The following CACNA1D variants were observed in gnomAD, a reference collection of about 807,000 sequenced individuals.
The protein encoded by CACNA1D is calcium voltage-gated channel subunit alpha1 D.
CACNA1D carries 55 observed loss-of-function variants against 257.1 expected under a neutral mutation model. The observed-to-expected ratio is 0.21, with a 90% CI of 0.17 to 0.27. The LOEUF (loss-of-function observed/expected upper bound fraction) is 0.27, where lower values mean the gene tolerates loss of function less well. Ranked by LOEUF, CACNA1D falls within the 10% of genes least tolerant of loss-of-function variation. The pLI is 1.00. For synonymous variants in CACNA1D, 980 were observed against 1,014.9 expected (o/e 0.97, Z 0.65); for missense variants, 1,876 against 2,784.0 (o/e 0.67, Z 7.34).
At chr3:53,528,835 T>G (rs752759089) in intron 3 of CACNA1D, among the ~76,000 whole-genome samples, 3 of 152,220 alleles carry the variant, frequency 2.0e-5, no homozygotes, top group Non-Finnish European at 4.4e-5. Context: ...GGAAACATGC[T>G]TGATTTTTGT....
chr3:53,635,091 C>G (rs2093866850), intron 3 of CACNA1D, among the ~76,000 whole-genome samples: 1 of 152,200 alleles, frequency 6.6e-6, no homozygotes, highest in Non-Finnish European at 1.5e-5. Flanking sequence ...TATTGAGCAC[C>G]TTTGCCACAA....
intron 40 of CACNA1D, among the ~76,000 whole-genome samples, chr3:53,795,333 C>T (rs1328790077): frequency 1.3e-5 from 2 of 152,174 alleles, no homozygotes; most frequent in Non-Finnish European, 2.9e-5. Flanking sequence ...ACCCCACAGT[C>T]GTGACTATAG....
At chr3:53,782,264 G>GTGTGTGTA (rs6147823) in intron 39 of CACNA1D, 23 of 75,448 alleles carry the variant, frequency 3.0e-4, no homozygotes, top group Non-Finnish European at 4.5e-4. Context: ...GTGTGTGTGT[G>GTGTGTGTA]TATATATATA....
chr3:53,573,443 C>T (rs142366476), intron 3 of CACNA1D, among the ~76,000 whole-genome samples: 4 of 152,282 alleles, frequency 2.6e-5, no homozygotes, highest in African/African-American at 9.6e-5. Context: ...ATACTGGTAT[C>T]TATGTGGCTG....
chr3:53,753,913 A>C (rs554703422), intron 29 of CACNA1D, among the ~76,000 whole-genome samples: 9 of 152,396 alleles, frequency 5.9e-5, no homozygotes, highest in East Asian at 1.9e-4. Context: ...CAGGGAGATT[A>C]GAATTGGGAA....
chr3:53,786,256 T>A (rs1362318207), intron 39 of CACNA1D: 1 of 158,746 alleles, frequency 6.3e-6, no homozygotes, highest in Non-Finnish European at 1.4e-5. Context: ...CAAGAAATGG[T>A]ATATGGAGCT....
intron 9 of CACNA1D, among the ~76,000 whole-genome samples, chr3:53,712,017 A>G (rs151316964): frequency 2.0e-5 from 3 of 152,396 alleles, no homozygotes; most frequent in Non-Finnish European, 2.9e-5. Context: ...AGCAGGAAAT[A>G]GTGTCATGGA....
chr3:53,728,073 C>G (rs1452102217), intron 15 of CACNA1D, among the ~76,000 whole-genome samples: 2 of 152,134 alleles, frequency 1.3e-5, no homozygotes, highest in African/African-American at 4.8e-5. Flanking sequence ...TGAGCTCCCC[C>G]TCAGATTTTA....
At chr3:53,605,435 A>G (rs934636836) in intron 3 of CACNA1D, among the ~76,000 whole-genome samples, 2 of 152,240 alleles carry the variant, frequency 1.3e-5, no homozygotes, top group African/African-American at 4.8e-5. Flanking sequence ...AAGTGATTGA[A>G]TGAGCAGCAC....
At chr3:53,649,199 A>G (rs551722765) in intron 3 of CACNA1D, among the ~76,000 whole-genome samples, 4 of 152,336 alleles carry the variant, frequency 2.6e-5, no homozygotes, top group Admixed American at 6.5e-5. Context: ...GGATACTGCA[A>G]GCAAACATTT....
chr3:53,521,589 C>T (rs1356461869), intron 3 of CACNA1D, among the ~76,000 whole-genome samples: 1 of 152,100 alleles, frequency 6.6e-6, no homozygotes, highest in Non-Finnish European at 1.5e-5. Flanking sequence ...AGTTTCCACC[C>T]CACTGTTTCT....
Position 53,813,154 on chromosome 3 carries a change from T to G in CACNA1D, c.*1748T>G, listed in dbSNP as rs981731238. On this transcript the variant is annotated 3_prime_UTR_variant, in exon 48 of 48. Coordinates refer to ENST00000350061, the MANE Select transcript of CACNA1D (RefSeq NM_001128840.3). ...ATTTTTTTTTTTTTTTTTTTTTTTGTAAATAACAAACACCACTTTGTTATG... is the reference window on the plus strand; with the variant it reads ...ATTTTTTTTTTTTTTTTTTTTTTTGGAAATAACAAACACCACTTTGTTATG... 6 of 51,262 alleles carry G rather than the reference T, an allele frequency of 1.2e-4. No homozygotes were observed. Among genetic ancestry groups the G allele is most frequent in the Non-Finnish European group, 2.3e-4 (6 of 26,176 alleles). 3.2% of individuals were successfully genotyped at this position (51,262 alleles called of 1,614,324 possible).
chr3:53,750,917 C>T (rs1288894409), intron 27 of CACNA1D, among the ~76,000 whole-genome samples: 1 of 152,190 alleles, frequency 6.6e-6, no homozygotes, highest in Non-Finnish European at 1.5e-5. Flanking sequence ...ACCAGCCCCA[C>T]TACCCAGAGT....
intron 3 of CACNA1D, among the ~76,000 whole-genome samples, chr3:53,511,613 T>A (rs1217198080): frequency 3.3e-5 from 5 of 152,184 alleles, no homozygotes; most frequent in African/African-American, 7.2e-5. Context: ...TAAACTGTGG[T>A]ATAATGAAAA....
intron 30 of CACNA1D, chr3:53,765,745 C>G (rs1472045328): frequency 2.0e-5 from 3 of 152,336 alleles, no homozygotes; most frequent in African/African-American, 7.2e-5. Context: ...CGTTTGTATT[C>G]TTTGCAAAAA....
intron 9 of CACNA1D, among the ~76,000 whole-genome samples, chr3:53,714,226 CA>C (rs1215061444): frequency 2.6e-5 from 4 of 152,100 alleles, no homozygotes; most frequent in Non-Finnish European, 4.4e-5. Flanking sequence ...CTTATTTCTA[CA>C]GTAGGGGACT....
intron 2 of CACNA1D, among the ~76,000 whole-genome samples, chr3:53,498,698 G>A (rs1168098877): frequency 1.3e-5 from 2 of 152,152 alleles, no homozygotes; most frequent in African/African-American, 2.4e-5. Flanking sequence ...GATCTAGCTC[G>A]GCAGCTATTT....
At chr3:53,752,678 G>A (rs920049904) in intron 28 of CACNA1D, among the ~76,000 whole-genome samples, 6 of 152,186 alleles carry the variant, frequency 3.9e-5, no homozygotes, top group East Asian at 1.9e-4. Context: ...TATTACAGGC[G>A]TGAGCCACCG....
At position 53,774,815 on chromosome 3, in the gene CACNA1D, T is replaced by C. The variant is rs1355317478; in HGVS notation, c.4202+137T>C. On this transcript the variant is annotated intron_variant, in intron 34 of 47. Transcript: ENST00000350061. The surrounding 1 kb of genome is among the most constrained non-coding windows in gnomAD (Gnocchi z 4.3). ...GTGATGGCTTTTTGTTTTTGTTTGTTCTGTATTCTTAAACACAGACCCTAG... is the reference window on the plus strand; with the variant it reads ...GTGATGGCTTTTTGTTTTTGTTTGTCCTGTATTCTTAAACACAGACCCTAG... The C allele has an allele frequency of 4.7e-6, 3 of 642,778 alleles. No individual in the cohort carries two copies. The highest frequency in any genetic ancestry group is 5.1e-5 in the East Asian group (2 of 39,076). The allele number at this position is 642,778 out of a possible 1,614,324, so 39.8% of individuals were successfully genotyped here.
Sources: gnomAD v4.1 joint callset for allele counts (sites outside exome capture counted in the v4.1 genomes callset) on GRCh38, gnomAD v4.1.1 for gene constraint, Gnocchi (gnomAD v3.1) non-coding constraint, MANE v1.5 for transcripts, NCBI Gene and HGNC (gene_info 2026-07-23, HGNC 2026-07-21) for gene names.